The following ATOX1 variants were observed in gnomAD, a reference collection of about 807,000 sequenced individuals.
ATOX1 encodes the protein copper transport protein ATOX1.
Under a neutral mutation model 7.3 loss-of-function variants are expected in ATOX1, and 4 were observed. The ratio of observed to expected loss-of-function variants is 0.55; its 90% CI spans 0.27 to 1.25. The LOEUF (loss-of-function observed/expected upper bound fraction) is 1.25. Among genes scored for constraint, ATOX1 ranks in the 50% most tolerant of loss-of-function variants. The probability of loss-of-function intolerance (pLI) is 0.12; values close to 1 mark genes in which losing one functional copy is unlikely to be tolerated. For missense variants in ATOX1, 68 were observed against 81.6 expected (o/e 0.83, Z 0.64); for synonymous variants, 25 against 28.7 (o/e 0.87, Z 0.41).
At chr5:151,752,139 C>A in intron 1 of ATOX1, 2 of 628,606 alleles carry the variant, frequency 3.2e-6, no homozygotes, top group South Asian at 1.8e-5. Context: ...GTAACTCTGA[C>A]AGGGATGGGC....
At chr5:151,755,429 A>C (rs1373213986) in intron 1 of ATOX1, among the ~76,000 whole-genome samples, 1 of 152,210 alleles carries the variant, frequency 6.6e-6, no homozygotes, top group Non-Finnish European at 1.5e-5. Flanking sequence ...ATGGAATATG[A>C]ACCTAGGCTT....
At chr5:151,745,284 G>A (rs751713518) in intron 3 of ATOX1, 3 of 152,236 alleles carry the variant, frequency 2.0e-5, no homozygotes, top group Non-Finnish European at 4.4e-5. Flanking sequence ...AACAGTTACA[G>A]AACTCCGATT....
Position 151,745,991 on chromosome 5 carries a change from C to T in ATOX1, c.*46+288G>A, listed in dbSNP as rs78433180. 1.8e-3 allele frequency: 464 copies of T among 253,512 alleles called. 5 individuals are homozygous for T. The highest frequency in any genetic ancestry group is 0.014 in the East Asian group (147 of 10,324). 15.7% of individuals were successfully genotyped at this position (253,512 alleles called of 1,614,324 possible). A position where few individuals can be genotyped will look rare whatever the true frequency, so the allele number is the denominator to read the frequency against. On this transcript the variant is annotated intron_variant, in intron 3 of 3. Coordinates refer to ENST00000313115, the MANE Select transcript of ATOX1 (RefSeq NM_004045.4). ...ACTGCTTAGGGTCACATACTGTAAA[C>T]TTAAACCCTGCTAACCATGAACTGC...
At chr5:151,755,282 T>A (rs1762000884) in intron 1 of ATOX1, among the ~76,000 whole-genome samples, 1 of 152,186 alleles carries the variant, frequency 6.6e-6, no homozygotes, top group Admixed American at 6.5e-5. Flanking sequence ...CATGTCAAAT[T>A]ATCTTTGTAC....
intron 1 of ATOX1, among the ~76,000 whole-genome samples, chr5:151,754,767 C>T (rs957296580): frequency 1.3e-5 from 2 of 151,788 alleles, no homozygotes; most frequent in African/African-American, 2.4e-5. Context: ...GGGAGGATCA[C>T]GAGGTCAAGA....
intron 1 of ATOX1, among the ~76,000 whole-genome samples, chr5:151,754,695 C>T (rs1761990554): frequency 6.6e-6 from 1 of 151,460 alleles, no homozygotes; most frequent in Non-Finnish European, 1.5e-5. Context: ...AAAACATAGC[C>T]CAAATCGGGC....
At chr5:151,751,815 T>G in intron 1 of ATOX1, 36 bp from the exon 2 acceptor site, 1 of 1,574,508 alleles carries the variant, frequency 6.4e-7, no homozygotes, top group Non-Finnish European at 8.6e-7. Context: ...ACCCGAGCCC[T>G]GTAGAGTGAC....
chr5:151,745,436 A>C (rs1761868425), intron 3 of ATOX1: 1 of 152,132 alleles, frequency 6.6e-6, no homozygotes, highest in Non-Finnish European at 1.5e-5. Flanking sequence ...ATTGTAATTC[A>C]CGAGTCAAAT....
chr5:151,751,912 T>C (rs1278497669), intron 1 of ATOX1, 133 bp from the exon 2 acceptor site: 4 of 779,866 alleles, frequency 5.1e-6, no homozygotes, highest in Non-Finnish European at 8.3e-6. Flanking sequence ...ATCAGACTCA[T>C]CAGAAGCCTG....
chr5:151,752,554 G>C, intron 1 of ATOX1: 1 of 565,678 alleles, frequency 1.8e-6, no homozygotes, highest in Non-Finnish European at 3.1e-6. Flanking sequence ...ACAGTGCCTG[G>C]ACAGAGTAGG....
intron 1 of ATOX1, among the ~76,000 whole-genome samples, chr5:151,754,762 G>T (rs1176772255): frequency 6.6e-6 from 1 of 151,820 alleles, no homozygotes; most frequent in Non-Finnish European, 1.5e-5. Context: ...GAGGCGGGAG[G>T]ATCACGAGGT....
At chr5:151,746,228 TGA>T in intron 3 of ATOX1, 49 bp downstream of exon 3, 1 of 1,518,778 alleles carries the variant, frequency 6.6e-7, no homozygotes, top group Non-Finnish European at 8.9e-7. Context: ...TTCGCTCTGA[TGA>T]GAGGTGTGAG....
At chr5:151,757,841 T>C (rs1378785876) in intron 1 of ATOX1, among the ~76,000 whole-genome samples, 1 of 152,200 alleles carries the variant, frequency 6.6e-6, no homozygotes, top group Non-Finnish European at 1.5e-5. Context: ...GCCAAAGGCC[T>C]CAATTCTTTA....
At chr5:151,751,515 C>T (rs924071047) in intron 2 of ATOX1, among the ~76,000 whole-genome samples, 189 bp downstream of exon 2, 5 of 151,990 alleles carry the variant, frequency 3.3e-5, no homozygotes, top group African/African-American at 7.3e-5. Flanking sequence ...CTGAAATGGC[C>T]GTGGTGAGGA....
At chr5:151,754,980 C>CAAAAAAAAAAAAAAAAAAAAAAAAAAAAA (rs79359321) in intron 1 of ATOX1, among the ~76,000 whole-genome samples, 1 of 48,890 alleles carries the variant, frequency 2.0e-5, no homozygotes, top group Non-Finnish European at 4.4e-5. Flanking sequence ...AGACACCGTC[C>CAAAAAAAAAAAAAAAAAAAAAAAAAAAAA]AAAAAAAAAA....
intron 1 of ATOX1, among the ~76,000 whole-genome samples, chr5:151,758,228 G>A (rs1762039280): frequency 6.6e-6 from 1 of 152,228 alleles, no homozygotes; most frequent in Non-Finnish European, 1.5e-5. Context: ...CTCAGTTCCC[G>A]CTGGCCACCA....
At chr5:151,745,092 G>C (rs1761865329) in intron 3 of ATOX1, 1 of 152,194 alleles carries the variant, frequency 6.6e-6, no homozygotes, top group South Asian at 2.1e-4. Context: ...GAAAACAGAT[G>C]CATCTGACAT....
At chr5:151,747,688 G>A (rs752445754) in intron 2 of ATOX1, among the ~76,000 whole-genome samples, 4 of 151,940 alleles carry the variant, frequency 2.6e-5, no homozygotes, top group South Asian at 2.1e-4. Flanking sequence ...GGGTTCAAGC[G>A]ATTCTTCTGC....
Position 151,751,798 on chromosome 5 carries a change from G to C in ATOX1, c.7-19C>G, listed in dbSNP as rs370455762. 48 of 1,593,854 alleles carry C rather than the reference G, an allele frequency of 3.0e-5. No homozygotes were observed. In the African/African-American group the frequency reaches 5.4e-4, roughly 18 times the overall value. ...CGTGCTTCTGAAACAAACACAGGGG[G>C]ACCATGACCCGAGCCCTGTAGAGTG... On this transcript the variant is annotated intron_variant, in intron 1 of 3. Coordinates refer to ENST00000313115, the MANE Select transcript of ATOX1 (RefSeq NM_004045.4).
Sources: gnomAD v4.1 joint callset for allele counts (sites outside exome capture counted in the v4.1 genomes callset) on GRCh38, gnomAD v4.1.1 for gene constraint, MANE v1.5 for transcripts, NCBI Gene and HGNC (gene_info 2026-07-23, HGNC 2026-07-21) for gene names.